Variants in SIMC1 observed in about 807,000 individuals in gnomAD.
SIMC1 encodes SUMO interacting motifs containing 1, also known as SUMO-interacting motif-containing protein 1.
In SIMC1, 55 loss-of-function variants were observed where a neutral mutation model predicts 82.3. The ratio of observed to expected loss-of-function variants is 0.67; its 90% CI spans 0.54 to 0.84. The LOEUF (loss-of-function observed/expected upper bound fraction) is 0.84. Among genes scored for constraint, SIMC1 ranks in the 40% least tolerant of loss-of-function variants. The pLI is 0.00. For synonymous variants in SIMC1, 353 were observed against 426.3 expected (o/e 0.83, Z 2.12); for missense variants, 915 against 1,107.2 (o/e 0.83, Z 2.46).
At chr5:176,337,725 G>T (rs1217354196) in intron 9 of SIMC1, among the ~76,000 whole-genome samples, 1 of 152,206 alleles carries the variant, frequency 6.6e-6, no homozygotes, top group East Asian at 1.9e-4. Context: ...TGTAAACATT[G>T]TAAACATCCG....
At position 176,345,536 on chromosome 5, in the gene SIMC1, C is replaced by T. The variant is rs530991171; in HGVS notation, c.*91C>T. 1 of 1,404,980 alleles carries T rather than the reference C, an allele frequency of 7.1e-7. No homozygotes were observed. The highest frequency in any genetic ancestry group is 2.6e-5 in the Admixed American group (1 of 38,852). The allele number at this position is 1,404,980 out of a possible 1,614,324, so 87.0% of individuals were successfully genotyped here. ...TAAAAGCATGAAAAGTGGTTAAAAT[C>T]TTACAGGACCAAACCTGCATTATTT... On this transcript the variant is annotated 3_prime_UTR_variant, in exon 10 of 10. Coordinates refer to ENST00000429602, the MANE Select transcript of SIMC1 (RefSeq NM_001308195.2).
At chr5:176,280,446 A>C (rs1762939966) in intron 1 of SIMC1, among the ~76,000 whole-genome samples, 2 of 151,348 alleles carry the variant, frequency 1.3e-5, no homozygotes, top group Non-Finnish European at 2.9e-5. Flanking sequence ...TTTAAAGTTA[A>C]TATTGTTATG....
At chr5:176,325,618 G>A (rs753112588) in intron 7 of SIMC1, among the ~76,000 whole-genome samples, 28 of 152,000 alleles carry the variant, frequency 1.8e-4, no homozygotes, top group Non-Finnish European at 2.8e-4. Context: ...CCCTGGAGGC[G>A]GAGCTTGCAG....
chr5:176,306,289 G>T (rs1349354238), intron 4 of SIMC1, among the ~76,000 whole-genome samples: 39 of 132,214 alleles, frequency 2.9e-4, no homozygotes, highest in Admixed American at 8.0e-4. Flanking sequence ...GGAGGGAGGT[G>T]GGGGGGTCAG....
intron 1 of SIMC1, among the ~76,000 whole-genome samples, chr5:176,259,702 G>A (rs1242597709): frequency 1.3e-5 from 2 of 151,546 alleles, no homozygotes; most frequent in African/African-American, 4.8e-5. Context: ...GAATCTGGGA[G>A]GTGGAGGTTG....
chr5:176,326,132 A>G (rs1205477332), intron 7 of SIMC1, among the ~76,000 whole-genome samples: 1 of 152,144 alleles, frequency 6.6e-6, no homozygotes, highest in Admixed American at 6.6e-5. Context: ...CCCTTGGGGA[A>G]ATTATGGTAT....
intron 4 of SIMC1, among the ~76,000 whole-genome samples, chr5:176,306,433 CGG>C (rs896012021): frequency 1.4e-4 from 18 of 130,144 alleles, no homozygotes; most frequent in African/African-American, 4.5e-4. Flanking sequence ...TCATTGAGAA[CGG>C]GCCAGGATGA....
chr5:176,244,910 A>G (rs1290064948), intron 1 of SIMC1, among the ~76,000 whole-genome samples: 10 of 151,726 alleles, frequency 6.6e-5, no homozygotes, highest in Non-Finnish European at 2.9e-5. Flanking sequence ...TAGTAGAGAC[A>G]GGGTTTTACC....
At chr5:176,344,474 C>T (rs1293123392) in intron 9 of SIMC1, among the ~76,000 whole-genome samples, 2 of 93,400 alleles carry the variant, frequency 2.1e-5, no homozygotes, top group African/African-American at 8.6e-5. Context: ...AGTATACACA[C>T]ACACACACAC....
chr5:176,314,591 G>T (rs919984059), intron 5 of SIMC1, among the ~76,000 whole-genome samples: 3 of 152,162 alleles, frequency 2.0e-5, no homozygotes, highest in Non-Finnish European at 2.9e-5. Flanking sequence ...TGACAGTAAG[G>T]TACATTAGAT....
chr5:176,307,643 A>G (rs1050033187), intron 4 of SIMC1, among the ~76,000 whole-genome samples: 5 of 152,052 alleles, frequency 3.3e-5, no homozygotes, highest in African/African-American at 1.2e-4. Context: ...CTCATGATCC[A>G]CCTGCCTCGG....
chr5:176,324,917 A>G (rs1765312645), intron 7 of SIMC1, among the ~76,000 whole-genome samples, 160 bp downstream of exon 7: 1 of 152,234 alleles, frequency 6.6e-6, no homozygotes, highest in African/African-American at 2.4e-5. Context: ...GGAAGAAAAT[A>G]GTAGAAGGAT....
intron 9 of SIMC1, among the ~76,000 whole-genome samples, chr5:176,342,330 G>A (rs1766185525): frequency 1.3e-5 from 2 of 152,130 alleles, no homozygotes; most frequent in South Asian, 2.1e-4. Flanking sequence ...ACATTATAAT[G>A]TGGCCTACCC....
At chr5:176,314,250 G>C (rs777711513) in intron 5 of SIMC1, among the ~76,000 whole-genome samples, 5 of 152,158 alleles carry the variant, frequency 3.3e-5, no homozygotes, top group African/African-American at 4.8e-5. Context: ...CTGGGTGACA[G>C]AGCAAGACTC....
chr5:176,264,675 T>C (rs928007679), intron 1 of SIMC1, among the ~76,000 whole-genome samples: 1 of 151,726 alleles, frequency 6.6e-6, no homozygotes, highest in Non-Finnish European at 1.5e-5. Context: ...TGCTTGTTCC[T>C]TCCCTACCAC....
intron 4 of SIMC1, among the ~76,000 whole-genome samples, chr5:176,312,301 C>G (rs540297446): frequency 6.6e-6 from 1 of 152,010 alleles, no homozygotes; most frequent in Non-Finnish European, 1.5e-5. Flanking sequence ...TTTGGGAGAC[C>G]GATGCAGGTG....
chr5:176,290,501 C>T lies in SIMC1; in HGVS notation c.977C>T (p.Pro326Leu), dbSNP rs769469657. Reference protein sequence around the residue: ...PQSPSDVSPSPDAPQSPGGMP... With the variant: ...PQSPSDVSPSLDAPQSPGGMP... Reference sequence around the variant, plus strand: ...TCACCAAGTGATGTTTCACCGTCACCAGATGCACCACAGTCACCAGGGGGC... The same window carrying T: ...TCACCAAGTGATGTTTCACCGTCACTAGATGCACCACAGTCACCAGGGGGC... Residue 326 changes from proline to leucine, a missense_variant, in exon 2 of 10, where the codon CCA becomes CTA. By Grantham distance (98) the Pro-to-Leu change is moderately conservative (BLOSUM62 -3). This residue lies in a region of SIMC1 where 902 missense variants were observed against 1,040.3 expected (regional missense o/e 0.87). Transcript: ENST00000429602. The T allele has an allele frequency of 3.7e-6, 6 of 1,613,828 alleles. No individual in the cohort carries two copies. The highest frequency in any genetic ancestry group is 1.1e-5 in the South Asian group (1 of 91,082).
chr5:176,282,900 G>A (rs992641234), intron 1 of SIMC1, among the ~76,000 whole-genome samples: 4 of 152,174 alleles, frequency 2.6e-5, no homozygotes, highest in East Asian at 3.8e-4. Context: ...TAGCCGATTC[G>A]ATCAACTGGA....
rs1763501768 is a variant in SIMC1, at chr5:176,290,421, A to T, written c.897A>T (p.Pro299=). ...VPGLPQSILH[P]QDVAYLQDMP... The stretch of plus-strand genomic sequence containing the variant: ...GGCTGCCTCAAAGCATATTACATCC[A>T]CAAGATGTGGCATACCTGCAAGACA... The change falls in exon 2 of 10, where the codon CCA becomes CCT. Residue 299 remains proline, a synonymous_variant. Coordinates refer to ENST00000429602, the MANE Select transcript of SIMC1 (RefSeq NM_001308195.2). 1 of 1,613,988 alleles carries T rather than the reference A, an allele frequency of 6.2e-7. No homozygotes were observed. Among genetic ancestry groups the T allele is most frequent in the South Asian group, 1.1e-5 (1 of 91,078 alleles).
Sources: gnomAD v4.1 joint callset for allele counts (sites outside exome capture counted in the v4.1 genomes callset) on GRCh38, gnomAD v4.1.1 for gene constraint, gnomAD v4.1.1 regional missense constraint, MANE v1.5 for transcripts, NCBI Gene and HGNC (gene_info 2026-07-23, HGNC 2026-07-21) for gene names.